DCLK1: variants seen among roughly 807,000 people sequenced by gnomAD.
DCLK1 encodes the protein doublecortin like kinase 1, also known as serine/threonine-protein kinase DCLK1.
In DCLK1, 16 loss-of-function variants were observed where a neutral mutation model predicts 86.2. The observed-to-expected ratio is 0.19, with a 90% CI of 0.13 to 0.28. DCLK1 has a LOEUF of 0.28. Among genes scored for constraint, DCLK1 ranks in the 10% least tolerant of loss-of-function variants. DCLK1 has a pLI of 1.00. For missense variants in DCLK1, 590 were observed against 940.2 expected (o/e 0.63, Z 4.87); for synonymous variants, 369 against 370.5 (o/e 1.00, Z 0.05).
chr13:35,850,273 G>GA (rs1283300643), intron 6 of DCLK1: 2 of 984,372 alleles, frequency 2.0e-6, no homozygotes, highest in African/African-American at 1.7e-5. Context: ...ATAACCTTTA[G>GA]AAAAAATATG....
intron 8 of DCLK1, among the ~76,000 whole-genome samples, chr13:35,830,250 G>A (rs1364160474): frequency 2.0e-5 from 3 of 152,092 alleles, no homozygotes; most frequent in Non-Finnish European, 2.9e-5. Context: ...AATTAGCCAG[G>A]CATGGTGTTG....
intron 4 of DCLK1, among the ~76,000 whole-genome samples, chr13:35,900,078 G>A (rs950628248): frequency 3.3e-5 from 5 of 152,082 alleles, no homozygotes; most frequent in Non-Finnish European, 4.4e-5. Flanking sequence ...CAGGAATTAA[G>A]TCAAGTTAAA....
At chr13:35,860,483 G>C (rs1047861948) in intron 5 of DCLK1, among the ~76,000 whole-genome samples, 2 of 152,072 alleles carry the variant, frequency 1.3e-5, no homozygotes, top group African/African-American at 4.8e-5. Context: ...CTTGAACTGA[G>C]ACAATGGGTC....
chr13:35,861,757 T>C (rs575164705), intron 5 of DCLK1, among the ~76,000 whole-genome samples: 1 of 152,194 alleles, frequency 6.6e-6, no homozygotes. Flanking sequence ...CCAGGCACAG[T>C]GGCTCACGCC....
At chr13:35,786,959 T>G (rs1036084227) in intron 16 of DCLK1, among the ~76,000 whole-genome samples, 4 of 152,006 alleles carry the variant, frequency 2.6e-5, no homozygotes, top group Non-Finnish European at 5.9e-5. Flanking sequence ...ATGATCATGA[T>G]TTTAGTATAT....
intron 4 of DCLK1, among the ~76,000 whole-genome samples, chr13:35,880,856 G>T (rs1018619349): frequency 9.9e-5 from 15 of 152,124 alleles, no homozygotes; most frequent in African/African-American, 3.6e-4. Context: ...GCTCCACTTT[G>T]GCTGGCTCTG....
intron 3 of DCLK1, among the ~76,000 whole-genome samples, chr13:36,057,364 G>A (rs889450927): frequency 1.4e-4 from 21 of 152,240 alleles, no homozygotes; most frequent in East Asian, 1.9e-4. Context: ...AGGTATAAGT[G>A]AGGATTTAAG....
intron 15 of DCLK1, among the ~76,000 whole-genome samples, chr13:35,800,881 TA>T (rs1485263288): frequency 6.8e-5 from 6 of 87,962 alleles, no homozygotes; most frequent in Admixed American, 2.6e-4. Context: ...CATGCTGGGC[TA>T]ATTTTTTTTT....
At chr13:35,836,221 C>T (rs1425787592) in intron 7 of DCLK1, 80 bp from the exon 8 acceptor site, 3 of 1,206,414 alleles carry the variant, frequency 2.5e-6, no homozygotes, top group South Asian at 1.4e-5. Context: ...AAAGTATCAT[C>T]TAATTGACTG....
intron 3 of DCLK1, among the ~76,000 whole-genome samples, chr13:35,973,706 A>G (rs1879180561): frequency 6.6e-6 from 1 of 152,186 alleles, no homozygotes; most frequent in African/African-American, 2.4e-5. Flanking sequence ...AAAGGCAAAA[A>G]AGAGAGAGCT....
intron 4 of DCLK1, among the ~76,000 whole-genome samples, chr13:35,896,742 T>C (rs535180602): frequency 1.3e-5 from 2 of 152,194 alleles, no homozygotes; most frequent in South Asian, 2.1e-4. Flanking sequence ...ACGCAGTCCC[T>C]ACCTCAGGTA....
intron 3 of DCLK1, among the ~76,000 whole-genome samples, chr13:36,020,243 A>G (rs921816146): frequency 3.3e-5 from 5 of 152,208 alleles, no homozygotes; most frequent in African/African-American, 1.2e-4. Flanking sequence ...ATTCTTTTGT[A>G]GTAATACAAA....
At chr13:35,861,392 G>C (rs1025201543) in intron 5 of DCLK1, among the ~76,000 whole-genome samples, 4 of 152,164 alleles carry the variant, frequency 2.6e-5, no homozygotes, top group Non-Finnish European at 4.4e-5. Flanking sequence ...CAAGGGTCAG[G>C]GTGGATGAGG....
At chr13:35,838,488 A>G (rs915126108) in intron 7 of DCLK1, among the ~76,000 whole-genome samples, 3 of 152,208 alleles carry the variant, frequency 2.0e-5, no homozygotes, top group Admixed American at 2.0e-4. Flanking sequence ...ATAGGAGAGG[A>G]AGTAAGACGC....
chr13:35,808,396 CT>C, intron 13 of DCLK1, 76 bp from the exon 14 acceptor site: 1 of 1,212,294 alleles, frequency 8.2e-7, no homozygotes, highest in Non-Finnish European at 1.2e-6. Flanking sequence ...GTCTTAGGCA[CT>C]GGAGCCCTTC....
chr13:35,810,977 A>G lies in DCLK1; in HGVS notation c.1555-9T>C. The G allele has an allele frequency of 6.2e-7, 1 of 1,613,332 alleles. No individual in the cohort carries two copies. The highest frequency in any genetic ancestry group is 2.2e-5 in the East Asian group (1 of 44,874). ...TCTTGGTGCTCATACACCTAAAACA[A>G]AGGTAAAAATCACAATTGTCTGAAA... On this transcript the variant is annotated splice_polypyrimidine_tract_variant and intron_variant, in intron 11 of 16. Coordinates refer to ENST00000360631, the MANE Select transcript of DCLK1 (RefSeq NM_001330071.2).
chr13:35,838,653 T>C (rs1869571636), intron 7 of DCLK1, among the ~76,000 whole-genome samples: 2 of 152,226 alleles, frequency 1.3e-5, no homozygotes, highest in South Asian at 4.1e-4. Flanking sequence ...TGTAAAACCA[T>C]ATTTCATGTA....
chr13:35,936,309 A>T (rs1416011298), intron 4 of DCLK1, among the ~76,000 whole-genome samples: 1 of 152,226 alleles, frequency 6.6e-6, no homozygotes, highest in Admixed American at 6.5e-5. Context: ...TGCAAATGCA[A>T]TAGGATTGAA....
At chr13:35,986,343 C>A (rs1421349341) in intron 3 of DCLK1, among the ~76,000 whole-genome samples, 2 of 141,204 alleles carry the variant, frequency 1.4e-5, no homozygotes, top group African/African-American at 5.3e-5. Flanking sequence ...AATGAAGCAG[C>A]ATTATCCCTG....
Sources: allele counts gnomAD v4.1 joint callset (sites outside exome capture counted in the v4.1 genomes callset), GRCh38; gene constraint gnomAD v4.1.1; transcripts MANE v1.5; gene names NCBI Gene and HGNC (gene_info 2026-07-23, HGNC 2026-07-21).